NF1: variants seen among roughly 807,000 people sequenced by gnomAD.
NF1 encodes the protein neurofibromin 1.
NF1 carries 122 observed loss-of-function variants against 325.7 expected under a neutral mutation model. That is an observed-to-expected ratio of 0.37 (90% CI 0.32 to 0.44). The LOEUF is 0.44. Among genes scored for constraint, NF1 ranks in the 20% least tolerant of loss-of-function variants. NF1 has a pLI of 1.00. For synonymous variants in NF1, 1,091 were observed against 1,186.0 expected (o/e 0.92, Z 1.65); for missense variants, 2,140 against 3,415.4 (o/e 0.63, Z 9.31).
intron 36 of NF1, among the ~76,000 whole-genome samples, chr17:31,293,884 T>G (rs1319464785): frequency 1.3e-5 from 2 of 152,210 alleles, no homozygotes; most frequent in Non-Finnish European, 2.9e-5. Flanking sequence ...TGGCTAACTT[T>G]TATATTTGTA....
chr17:31,123,219 T>C (rs1914585412), intron 1 of NF1, among the ~76,000 whole-genome samples: 1 of 152,242 alleles, frequency 6.6e-6, no homozygotes, highest in Non-Finnish European at 1.5e-5. Context: ...TGTGCTAGGA[T>C]ATTTTGTTAA....
intron 33 of NF1, among the ~76,000 whole-genome samples, chr17:31,259,733 A>T (rs184061210): frequency 6.6e-6 from 1 of 152,298 alleles, no homozygotes; most frequent in East Asian, 1.9e-4. Context: ...TAGAGAAAAA[A>T]ATGAGATAAT....
chr17:31,289,634 TA>T (rs1218960561), intron 36 of NF1, among the ~76,000 whole-genome samples: 1 of 152,162 alleles, frequency 6.6e-6, no homozygotes, highest in Non-Finnish European at 1.5e-5. Context: ...TTTCACACTT[TA>T]AAAAACTCTT....
At chr17:31,235,807 T>A (rs766900703) in intron 28 of NF1, 35 bp downstream of exon 28, 2 of 1,613,682 alleles carry the variant, frequency 1.2e-6, no homozygotes, top group Admixed American at 3.3e-5. Context: ...ATGTGTGTGC[T>A]GAGGTATGTC....
chr17:31,249,039 G>A lies in NF1; in HGVS notation c.4030G>A (p.Glu1344Lys). 6.2e-7 allele frequency: 1 copy of A among 1,614,064 alleles called. No homozygotes were observed. Among genetic ancestry groups the A allele is most frequent in the Non-Finnish European group, 8.5e-7 (1 of 1,179,964 alleles). Residue 1344 changes from glutamate (E) to lysine (K), a missense_variant, in exon 30 of 58, where the codon GAA becomes AAA. Physicochemically the swap from Glu to Lys is moderately conservative, Grantham distance 56. This residue lies in a region of NF1 where 336 missense variants were observed against 399.0 expected (regional missense o/e 0.84). Coordinates refer to ENST00000358273, the MANE Select transcript of NF1 (RefSeq NM_001042492.3). ...CCAGCGGAACCTCCTTCAGATGACT[G>A]AAAAGTTCTTCCATGCCATCATCAG... ...ENQRNLLQMT[E>K]KFFHAIISSS...
At chr17:31,294,076 C>G (rs1379838936) in intron 36 of NF1, among the ~76,000 whole-genome samples, 1 of 152,062 alleles carries the variant, frequency 6.6e-6, no homozygotes, top group African/African-American at 2.4e-5. Flanking sequence ...TCAGTACTGC[C>G]CAAGTTCGTC....
intron 29 of NF1, among the ~76,000 whole-genome samples, chr17:31,243,172 C>G (rs539089853): frequency 2.4e-5 from 2 of 84,140 alleles, no homozygotes; most frequent in African/African-American, 1.4e-4. Flanking sequence ...CAGAGTCAGT[C>G]TCTCTCTCTG....
chr17:31,106,785 C>T (rs1373770760), intron 1 of NF1, among the ~76,000 whole-genome samples: 3 of 152,200 alleles, frequency 2.0e-5, no homozygotes, highest in Admixed American at 6.5e-5. Flanking sequence ...CATTGTTTCC[C>T]TTTTATTTAG....
chr17:31,327,000 TGCAGTGGCGTGATCTC>T (rs2069361348), intron 37 of NF1, among the ~76,000 whole-genome samples: 1 of 151,642 alleles, frequency 6.6e-6, no homozygotes, highest in African/African-American at 2.4e-5. Flanking sequence ...GATCTCAGAG[TGCAGTGGCGTGATCTC>T]AGAGTGCAGT....
At chr17:31,134,894 T>A (rs12942479) in intron 1 of NF1, among the ~76,000 whole-genome samples, 81,618 of 151,944 alleles carry the variant, frequency 0.54, 25,797 homozygotes, top group Middle Eastern at 0.76. Flanking sequence ...TAATATTGGT[T>A]ATGCAGAACA....
intron 4 of NF1, among the ~76,000 whole-genome samples, chr17:31,166,802 G>A (rs1420889146): frequency 3.3e-5 from 5 of 152,094 alleles, no homozygotes; most frequent in Non-Finnish European, 7.4e-5. Context: ...TTTATATCCA[G>A]TCTCCATGTG....
At chr17:31,132,212 G>T (rs930930358) in intron 1 of NF1, among the ~76,000 whole-genome samples, 1 of 151,944 alleles carries the variant, frequency 6.6e-6, no homozygotes, top group Non-Finnish European at 1.5e-5. Flanking sequence ...GATTACAGGC[G>T]TGAGCCACTG....
chr17:31,300,201 G>A (rs922046442), intron 36 of NF1, among the ~76,000 whole-genome samples: 2 of 151,946 alleles, frequency 1.3e-5, no homozygotes, highest in Admixed American at 6.6e-5. Context: ...AGGATCACAA[G>A]TCAAAATTAT....
intron 57 of NF1, among the ~76,000 whole-genome samples, chr17:31,365,204 G>T (rs1313887984): frequency 6.7e-6 from 1 of 149,634 alleles, no homozygotes; most frequent in Admixed American, 6.7e-5. Flanking sequence ...AGAATCACCT[G>T]AGCCGGAGAG....
chr17:31,206,997 T>C (rs1597689968), intron 12 of NF1, among the ~76,000 whole-genome samples: 1 of 152,112 alleles, frequency 6.6e-6, no homozygotes, highest in East Asian at 1.9e-4. Context: ...ATGGAATCAA[T>C]TTAAAAAGAT....
intron 2 of NF1, 118 bp downstream of exon 2, chr17:31,156,244 C>T: frequency 3.4e-6 from 4 of 1,185,376 alleles, no homozygotes; most frequent in Admixed American, 4.1e-5. Flanking sequence ...TTGGATATAA[C>T]CATTAATCTT....
intron 36 of NF1, among the ~76,000 whole-genome samples, chr17:31,303,478 CTT>C (rs1020246301): frequency 4.0e-5 from 6 of 151,520 alleles, no homozygotes; most frequent in African/African-American, 1.5e-4. Context: ...TTGATAGTCT[CTT>C]TTCCTGAAAA....
rs587781687 is a variant in NF1, at chr17:31,337,586, T to C, written c.6642+4T>C. The C allele has an allele frequency of 5.6e-6, 9 of 1,612,636 alleles. No individual in the cohort carries two copies. In the African/African-American group the frequency reaches 8.0e-5, roughly 14 times the overall value. ...AGCTTTGTTGGAGATCATGGAGGTATAGAAGCCAAAATGATAAGAAACTAA... is the reference window on the plus strand; with the variant it reads ...AGCTTTGTTGGAGATCATGGAGGTACAGAAGCCAAAATGATAAGAAACTAA... On this transcript the variant is annotated splice_donor_region_variant and intron_variant, in intron 43 of 57. Transcript: ENST00000358273.
intron 35 of NF1, among the ~76,000 whole-genome samples, chr17:31,264,529 T>C (rs1225964129): frequency 6.6e-6 from 1 of 151,944 alleles, no homozygotes; most frequent in African/African-American, 2.4e-5. Flanking sequence ...ATGCAGAAGA[T>C]AAAATGAGGA....
Sources: allele counts gnomAD v4.1 joint callset (sites outside exome capture counted in the v4.1 genomes callset), GRCh38; gene constraint gnomAD v4.1.1; regional missense constraint gnomAD v4.1.1; transcripts MANE v1.5; gene names NCBI Gene and HGNC (gene_info 2026-07-23, HGNC 2026-07-21).